Variants in DNAH5 observed in about 807,000 individuals in gnomAD.
DNAH5 encodes the protein dynein axonemal heavy chain 5.
Under a neutral mutation model 518.2 loss-of-function variants are expected in DNAH5, and 372 were observed. The ratio of observed to expected loss-of-function variants is 0.72; its 90% CI spans 0.66 to 0.78. DNAH5 has a LOEUF of 0.78. Among genes scored for constraint, DNAH5 ranks in the 30% least tolerant of loss-of-function variants. The pLI, the probability that DNAH5 is intolerant of heterozygous loss-of-function variation, is 0.00. For missense variants in DNAH5, 5,523 were observed against 5,687.0 expected, an observed-to-expected ratio of 0.97 and a Z score of 0.93; for synonymous variants, 2,039 against 2,025.9, an observed-to-expected ratio of 1.01 and a Z score of -0.17.
chr5:13,897,922 C>T (rs1774115324), intron 15 of DNAH5: 1 of 152,182 alleles, frequency 6.6e-6, no homozygotes, highest in Non-Finnish European at 1.5e-5. Context: ...GACCATGTGA[C>T]TTCTTTATTG....
Position 13,804,320 on chromosome 5 carries a change from G to T in DNAH5, c.7887+3271C>A, listed in dbSNP as rs190321993. 5.3e-4 allele frequency among the ~76,000 whole-genome samples: 81 copies of T among 152,322 alleles called. 1 individual carries two copies. Among genetic ancestry groups the T allele is most frequent in the Non-Finnish European group, 9.7e-4 (66 of 68,016 alleles). On this transcript the variant is annotated intron_variant, in intron 47 of 78. Transcript: ENST00000265104. ...ATGAAAGATGTGAAAGTTACATCAA[G>T]ATGAAAACAACCTGTGAAGTAACAG...
chr5:13,969,804 G>T (rs1781756378), intron 1 of DNAH5, among the ~76,000 whole-genome samples: 1 of 152,152 alleles, frequency 6.6e-6, no homozygotes, highest in Admixed American at 6.5e-5. Flanking sequence ...AGAATGTTCT[G>T]TAAATATCTG....
chr5:13,872,000 T>C (rs1284461168), intron 22 of DNAH5, among the ~76,000 whole-genome samples: 1 of 152,198 alleles, frequency 6.6e-6, no homozygotes, highest in African/African-American at 2.4e-5. Context: ...GAGGAGCAGT[T>C]TCTAGAAACT....
chr5:13,964,649 C>T (rs555577291), intron 1 of DNAH5, among the ~76,000 whole-genome samples: 1 of 152,254 alleles, frequency 6.6e-6, no homozygotes, highest in Admixed American at 6.5e-5. Flanking sequence ...TCAGTGGACC[C>T]GAGTAAAGGC....
intron 70 of DNAH5, 35 bp from the exon 71 acceptor site, chr5:13,721,280 T>C (rs201676492): frequency 4.0e-5 from 64 of 1,613,724 alleles, no homozygotes; most frequent in East Asian, 3.3e-4. Flanking sequence ...GTAAAAGTCA[T>C]TCCAACTCTT....
Position 13,700,768 on chromosome 5 carries a change from C to G in DNAH5, c.13595G>C (p.Gly4532Ala). 6.2e-7 allele frequency: 1 copy of G among 1,614,144 alleles called. No homozygotes were observed. The highest frequency in any genetic ancestry group is 1.3e-5 in the African/African-American group (1 of 75,040). Residue 4532 changes from glycine (G) to alanine (A), a missense_variant, in exon 78 of 79, where the codon GGT (glycine) becomes GCT (alanine). By Grantham distance (60) the Gly-to-Ala change is moderately conservative (BLOSUM62 0). Transcript: ENST00000265104. Reference protein sequence around the residue: ...KDDISAPPTEGVYVYGLYLEG... With the variant: ...KDDISAPPTEAVYVYGLYLEG... Reference sequence around the variant, plus strand: ...AAGATATAAGCCATAGACATAGACACCCTCTGTGGGAGGGGCAGAAATGTC... The same window carrying G: ...AAGATATAAGCCATAGACATAGACAGCCTCTGTGGGAGGGGCAGAAATGTC...
At position 13,772,861 on chromosome 5, in the gene DNAH5, G is replaced by T. The variant is rs190443636; in HGVS notation, c.9374-1881C>A. On this transcript the variant is annotated intron_variant, in intron 55 of 78. Coordinates refer to ENST00000265104, the MANE Select transcript of DNAH5 (RefSeq NM_001369.3). The stretch of plus-strand genomic sequence containing the variant: ...ATATTTCTTTCTAGATGCAGCTGGA[G>T]GTAATAATTTAATTCAGAATCAATA... Among the ~76,000 whole-genome samples, 519 of 152,208 alleles carry T rather than the reference G, an allele frequency of 3.4e-3. 3 individuals are homozygous for T. Among genetic ancestry groups the T allele is most frequent in the African/African-American group, 0.012 (493 of 41,542 alleles).
At chr5:13,973,494 T>C (rs1782018286) in intron 1 of DNAH5, among the ~76,000 whole-genome samples, 1 of 152,244 alleles carries the variant, frequency 6.6e-6, no homozygotes. Flanking sequence ...GGGATGGCCC[T>C]GCCAGCTGAG....
chr5:13,995,874 GA>G (rs1783899545), intron 1 of DNAH5, among the ~76,000 whole-genome samples: 4 of 152,120 alleles, frequency 2.6e-5, no homozygotes. Context: ...TGGAGAGATG[GA>G]ATGCAAAAAA....
At chr5:13,905,386 GC>G (rs1480872519) in intron 12 of DNAH5, among the ~76,000 whole-genome samples, 1 of 152,172 alleles carries the variant, frequency 6.6e-6, no homozygotes, top group Non-Finnish European at 1.5e-5. Context: ...AAGCTCTCTT[GC>G]TCTTCAGCCT....
At chr5:13,874,156 T>A (rs1770535422) in intron 22 of DNAH5, among the ~76,000 whole-genome samples, 2 of 152,174 alleles carry the variant, frequency 1.3e-5, no homozygotes, top group Non-Finnish European at 2.9e-5. Flanking sequence ...TTGCATGACC[T>A]GAAGTGTTGA....
intron 12 of DNAH5, among the ~76,000 whole-genome samples, chr5:13,908,480 T>A (rs1435896163): frequency 6.6e-6 from 1 of 152,206 alleles, no homozygotes; most frequent in Admixed American, 6.5e-5. Flanking sequence ...CTGAACTCTC[T>A]GTCAACATGT....
rs747295099 is a variant in DNAH5, at chr5:13,864,618, C to T, written c.4375G>A (p.Ala1459Thr). 2 of 1,614,088 alleles carry T rather than the reference C, an allele frequency of 1.2e-6. No individual in the cohort carries two copies. The highest frequency in any genetic ancestry group is 1.7e-6 in the Non-Finnish European group (2 of 1,180,002). Reference sequence around the variant, plus strand: ...AAAAAAGCCTGCCAGTCCTTCAAGGCCCGGGGAAGCTTTCGACATCTGTGA... The same window carrying T: ...AAAAAAGCCTGCCAGTCCTTCAAGGTCCGGGGAAGCTTTCGACATCTGTGA... ...FQNRCRKLPR[A>T]LKDWQAFLDL... Residue 1459 changes from alanine to threonine, a missense_variant, in exon 28 of 79, where the codon GCC becomes ACC. By Grantham distance (58) the Ala-to-Thr change is moderately conservative (BLOSUM62 0). Coordinates refer to ENST00000265104, the MANE Select transcript of DNAH5 (RefSeq NM_001369.3).
chr5:13,955,794 A>G (rs1780726795), intron 1 of DNAH5, among the ~76,000 whole-genome samples: 1 of 152,216 alleles, frequency 6.6e-6, no homozygotes, highest in Non-Finnish European at 1.5e-5. Context: ...TCAAAATAGT[A>G]AACAATCTAA....
chr5:13,724,793 G>A (rs533722965), intron 70 of DNAH5, among the ~76,000 whole-genome samples: 6 of 152,208 alleles, frequency 3.9e-5, no homozygotes, highest in East Asian at 1.9e-4. Context: ...TCTGGCTCTC[G>A]CCATATGACA....
In DNAH5 at chr5:13,838,496, C is replaced by T. The variant is rs114663862; in HGVS notation, c.5882+860G>A. On this transcript the variant is annotated intron_variant, in intron 35 of 78. Coordinates refer to ENST00000265104, the MANE Select transcript of DNAH5 (RefSeq NM_001369.3). ...ATTATGAACTGCACGTGAACCCTATCGTGAGCTGTGCATGTGAGGGATCTA... is the reference window on the plus strand; with the variant it reads ...ATTATGAACTGCACGTGAACCCTATTGTGAGCTGTGCATGTGAGGGATCTA... 9.4e-3 allele frequency among the ~76,000 whole-genome samples: 1,435 copies of T among 152,256 alleles called. 9 individuals carry two copies. The highest frequency in any genetic ancestry group is 0.015 in the Non-Finnish European group (1,031 of 68,010).
chr5:13,748,257 T>C (rs562426820), intron 65 of DNAH5, among the ~76,000 whole-genome samples: 1 of 152,344 alleles, frequency 6.6e-6, no homozygotes, highest in Admixed American at 6.5e-5. Flanking sequence ...TTGGTACCAG[T>C]ACCATGCTGT....
rs376292253 is a variant in DNAH5, at chr5:13,753,374, G to C, written c.10731C>G (p.Asn3577Lys). ...AGTCATCATTTGGCAGACCTTGGAG[G>C]TTCCATTCACTAATAGTAGGAGCAT... Reference protein sequence around the residue: ...LIDAPTISEWNLQGLPNDDLS... With the variant: ...LIDAPTISEWKLQGLPNDDLS... Residue 3577 changes from asparagine (N) to lysine (K), a missense_variant, in exon 63 of 79, where the codon AAC becomes AAG. Around this residue, in one of 3 missense-constraint regions of DNAH5, gnomAD observed 5,121 missense variants for 5,223.3 expected, o/e 0.98. Coordinates refer to ENST00000265104, the MANE Select transcript of DNAH5 (RefSeq NM_001369.3). 6.0e-5 allele frequency: 97 copies of C among 1,613,902 alleles called. No homozygotes were observed. Among genetic ancestry groups the C allele is most frequent in the Admixed American group, 2.0e-4 (12 of 59,982 alleles).
chr5:13,876,584 T>C (rs1770918905), intron 22 of DNAH5, 100 bp downstream of exon 22: 3 of 1,415,396 alleles, frequency 2.1e-6, no homozygotes, highest in Non-Finnish European at 2.9e-6. Flanking sequence ...GCACAGTGTG[T>C]GAGACCCAGG....
Sources: allele counts gnomAD v4.1 joint callset (sites outside exome capture counted in the v4.1 genomes callset), GRCh38; gene constraint gnomAD v4.1.1; regional missense constraint gnomAD v4.1.1; transcripts MANE v1.5; gene names NCBI Gene and HGNC (gene_info 2026-07-23, HGNC 2026-07-21).